Variants in MYO5B observed in about 807,000 individuals in gnomAD.
MYO5B encodes the protein unconventional myosin-Vb.
In MYO5B, 143 loss-of-function variants were observed where a neutral mutation model predicts 229.3. That is an observed-to-expected ratio of 0.62 (90% CI 0.54 to 0.72). The LOEUF (loss-of-function observed/expected upper bound fraction) is 0.72. Ranked by LOEUF, MYO5B falls within the 30% of genes least tolerant of loss-of-function variation. MYO5B has a pLI of 0.00. For missense variants in MYO5B, 2,321 were observed against 2,331.0 expected (o/e 1.00, Z 0.09); for synonymous variants, 918 against 885.2 (o/e 1.04, Z -0.66).
rs759158159 is a variant in MYO5B, at chr18:49,841,397, G to A, written c.4669C>T (p.Leu1557Phe). 6.2e-7 allele frequency: 1 copy of A among 1,614,238 alleles called. No individual in the cohort carries two copies. The highest frequency in any genetic ancestry group is 2.2e-5 in the East Asian group (1 of 44,892). ...CCGCTGTACTGCTTCAGACAGTGAA[G>A]AAGGCGGCAGGTGTTGGATAACCAG... ...SFWLSNTCRL[L>F]HCLKQYSGDE... Residue 1557 changes from leucine to phenylalanine, a missense_variant, in exon 35 of 40, where the codon CTT becomes TTT. This residue lies in a region of MYO5B where 2,113 missense variants were observed against 2,044.7 expected (regional missense o/e 1.03). Coordinates refer to ENST00000285039, the MANE Select transcript of MYO5B (RefSeq NM_001080467.3).
chr18:50,113,715 C>G (rs913546704), intron 1 of MYO5B, among the ~76,000 whole-genome samples: 4 of 152,214 alleles, frequency 2.6e-5, no homozygotes, highest in African/African-American at 9.7e-5. Flanking sequence ...ATGGCAGAGT[C>G]CATCAGTGAG....
intron 35 of MYO5B, chr18:49,840,184 A>G (rs2024039715): frequency 6.6e-6 from 1 of 152,244 alleles, no homozygotes; most frequent in Admixed American, 6.5e-5. Context: ...CTAGCCTTAT[A>G]TAACCTCCCA....
At chr18:50,073,715 A>C (rs1036510636) in intron 1 of MYO5B, among the ~76,000 whole-genome samples, 21 of 152,060 alleles carry the variant, frequency 1.4e-4, no homozygotes, top group Non-Finnish European at 1.6e-4. Context: ...TTAAAAGCCA[A>C]AATTGAGCCC....
chr18:50,021,104 T>C (rs574713288), intron 4 of MYO5B, among the ~76,000 whole-genome samples: 32 of 152,096 alleles, frequency 2.1e-4, no homozygotes, highest in Non-Finnish European at 3.7e-4. Flanking sequence ...CAGAGGAACA[T>C]ATATGCACAC....
At chr18:50,047,105 A>G (rs1004346165) in intron 2 of MYO5B, among the ~76,000 whole-genome samples, 15 of 152,242 alleles carry the variant, frequency 9.9e-5, no homozygotes, top group African/African-American at 3.4e-4. Flanking sequence ...TAATTCAACT[A>G]AAGAGCTTCT....
intron 5 of MYO5B, among the ~76,000 whole-genome samples, chr18:49,995,124 T>A (rs190905665): frequency 1.7e-3 from 257 of 152,238 alleles, no homozygotes; most frequent in African/African-American, 5.9e-3. Flanking sequence ...GTCACAGCAC[T>A]CCTCCATACT....
rs746141458 is a variant in MYO5B, at chr18:50,036,874, T to C, written c.431A>G (p.Glu144Gly). The change falls in exon 4 of 40, where the codon GAA becomes GGA. Residue 144 changes from glutamate to glycine, a missense_variant. By Grantham distance (98) the Glu-to-Gly change is moderately conservative. This residue lies in a region of MYO5B where 2,113 missense variants were observed against 2,044.7 expected (regional missense o/e 1.03). Transcript: ENST00000285039. ...CCTGGCCATCTGCTTGTAGGCTTCT[T>C]CTGCCACAGCAAAGATGTGGGGGTC... Reference protein sequence around the residue: ...DMDPHIFAVAEEAYKQMARDE... With the variant: ...DMDPHIFAVAGEAYKQMARDE... The C allele has an allele frequency of 5.3e-5, 85 of 1,614,054 alleles. No homozygotes were observed. Among genetic ancestry groups the C allele is most frequent in the Non-Finnish European group, 6.9e-5 (82 of 1,180,044 alleles).
At chr18:50,049,390 T>C (rs1352098712) in intron 2 of MYO5B, among the ~76,000 whole-genome samples, 3 of 152,174 alleles carry the variant, frequency 2.0e-5, no homozygotes, top group Non-Finnish European at 4.4e-5. Flanking sequence ...ATTAAGAGGT[T>C]TGAATTATAA....
chr18:49,939,488 A>C (rs2025290231), intron 14 of MYO5B, among the ~76,000 whole-genome samples: 1 of 152,208 alleles, frequency 6.6e-6, no homozygotes, highest in Non-Finnish European at 1.5e-5. Context: ...GATGCTTAAG[A>C]AAGTTGTATT....
At chr18:49,844,374 C>T (rs2024099803) in intron 33 of MYO5B, among the ~76,000 whole-genome samples, 1 of 152,188 alleles carries the variant, frequency 6.6e-6, no homozygotes, top group African/African-American at 2.4e-5. Flanking sequence ...CACTGTATCT[C>T]CAGCCCTTGT....
chr18:50,185,367 G>A (rs117117966), intron 1 of MYO5B, among the ~76,000 whole-genome samples: 2,136 of 151,832 alleles, frequency 0.014, 25 homozygotes, highest in Non-Finnish European at 0.022. Flanking sequence ...TGGTTCTCTT[G>A]TGGTGGCTAT....
At position 50,040,136 on chromosome 18, in the gene MYO5B, C is replaced by A. The variant is rs370144130; in HGVS notation, c.310+7G>T. 4.3e-6 allele frequency: 7 copies of A among 1,613,998 alleles called. No homozygotes were observed. Among genetic ancestry groups the A allele is most frequent in the East Asian group, 4.5e-5 (2 of 44,894 alleles). On this transcript the variant is annotated splice_region_variant and intron_variant, in intron 3 of 39. Coordinates refer to ENST00000285039, the MANE Select transcript of MYO5B (RefSeq NM_001080467.3). ...ACGCATGCAGCCAACAGATGCCCCC[C>A]ACTTACCACAGTAAGTGTAGATATG...
intron 17 of MYO5B, among the ~76,000 whole-genome samples, chr18:49,926,385 G>A (rs2025128667): frequency 6.6e-6 from 1 of 152,220 alleles, no homozygotes; most frequent in Non-Finnish European, 1.5e-5. Context: ...AGACAGGGAG[G>A]AGGGGAGGCC....
chr18:49,933,107 T>C (rs947956737), intron 16 of MYO5B, among the ~76,000 whole-genome samples: 2 of 152,288 alleles, frequency 1.3e-5, no homozygotes, highest in Non-Finnish European at 2.9e-5. Context: ...TTGCCCGCCA[T>C]GGAATTGATT....
At chr18:49,979,121 T>G (rs1361252203) in intron 9 of MYO5B, among the ~76,000 whole-genome samples, 1 of 152,172 alleles carries the variant, frequency 6.6e-6, no homozygotes, top group Admixed American at 6.5e-5. Flanking sequence ...CACCACCCCC[T>G]GGGCCACAGG....
intron 1 of MYO5B, among the ~76,000 whole-genome samples, chr18:50,084,412 C>G (rs1032916812): frequency 6.6e-6 from 1 of 152,174 alleles, no homozygotes; most frequent in Admixed American, 6.5e-5. Flanking sequence ...CAGTTTGGGC[C>G]TCAATACTCT....
At chr18:49,883,690 AC>A (rs2024613108) in intron 22 of MYO5B, among the ~76,000 whole-genome samples, 1 of 152,232 alleles carries the variant, frequency 6.6e-6, no homozygotes, top group Non-Finnish European at 1.5e-5. Flanking sequence ...AAGAAGATGA[AC>A]AAAGCTGGAA....
At chr18:49,910,679 T>C (rs2024947931) in intron 18 of MYO5B, among the ~76,000 whole-genome samples, 1 of 152,160 alleles carries the variant, frequency 6.6e-6, no homozygotes, top group South Asian at 2.1e-4. Context: ...GCAGTGTCTA[T>C]AGCTAGACTT....
intron 17 of MYO5B, 148 bp from the exon 18 acceptor site, chr18:49,912,321 T>C (rs2024967564): frequency 4.2e-6 from 3 of 717,348 alleles, no homozygotes; most frequent in Non-Finnish European, 7.7e-6. Flanking sequence ...CAGGGGAGTT[T>C]TGTCCTCCCC....
Sources: gnomAD v4.1 joint callset for allele counts (sites outside exome capture counted in the v4.1 genomes callset) on GRCh38, gnomAD v4.1.1 for gene constraint, gnomAD v4.1.1 regional missense constraint, MANE v1.5 for transcripts, NCBI Gene and HGNC (gene_info 2026-07-23, HGNC 2026-07-21) for gene names.